ZNF512: variants seen among roughly 807,000 people sequenced by gnomAD.
ZNF512 encodes zinc finger protein 512.
ZNF512 carries 25 observed loss-of-function variants against 77.5 expected under a neutral mutation model. The observed-to-expected ratio is 0.32, with a 90% CI of 0.23 to 0.45. ZNF512 has a LOEUF of 0.45. ZNF512 is among the 20% of genes least tolerant of loss of function. The pLI is 1.00. For missense variants in ZNF512, 483 were observed against 692.6 expected (o/e 0.70, Z 3.40); for synonymous variants, 246 against 239.9 (o/e 1.03, Z -0.24).
chr2:27,589,316 C>T (rs1174420386), intron 2 of ZNF512, among the ~76,000 whole-genome samples: 1 of 152,056 alleles, frequency 6.6e-6, no homozygotes, highest in Admixed American at 6.5e-5. Context: ...TTTCCAGTTT[C>T]TTCTTGTGTC....
chr2:27,589,489 T>G (rs1286241116), intron 2 of ZNF512, among the ~76,000 whole-genome samples: 1 of 152,158 alleles, frequency 6.6e-6, no homozygotes, highest in Non-Finnish European at 1.5e-5. Context: ...TTTTTGTAGA[T>G]CAGTCTAAGT....
At chr2:27,603,671 A>C (rs1243446231) in intron 9 of ZNF512, among the ~76,000 whole-genome samples, 1 of 147,686 alleles carries the variant, frequency 6.8e-6, no homozygotes, top group African/African-American at 2.5e-5. Context: ...AGCTCACTGC[A>C]GCCTCGAACT....
Position 27,621,326 on chromosome 2 carries a change from A to G in ZNF512, c.1569A>G (p.Val523=). The G allele has an allele frequency of 6.2e-7, 1 of 1,614,190 alleles. No homozygotes were observed. The highest frequency in any genetic ancestry group is 8.5e-7 in the Non-Finnish European group (1 of 1,180,024). The stretch of plus-strand genomic sequence containing the variant: ...CCGAGACAGAGCTGAGTCTTAGAGT[A>G]GGGAAGGATCAGAGGAGGAATAATG... ...ELPETELSLR[V]GKDQRRNNEE... The change falls in exon 14 of 14, where the codon GTA becomes GTG. Residue 523 remains valine, a synonymous_variant. Coordinates refer to ENST00000355467, the MANE Select transcript of ZNF512 (RefSeq NM_032434.4).
chr2:27,601,565 C>T (rs1304877714), intron 7 of ZNF512, 123 bp downstream of exon 7: 1 of 764,386 alleles, frequency 1.3e-6, no homozygotes, highest in South Asian at 1.7e-5. Context: ...ACCTCCACCT[C>T]CTGGTTCAAG....
intron 2 of ZNF512, among the ~76,000 whole-genome samples, chr2:27,595,675 C>T (rs1242392202): frequency 1.3e-5 from 2 of 152,216 alleles, no homozygotes; most frequent in African/African-American, 2.4e-5. Context: ...ACTCTTTCCT[C>T]TGTCATCTCC....
At chr2:27,615,043 G>GT (rs1350891981) in intron 10 of ZNF512, 125 bp from the exon 11 acceptor site, 5 of 594,148 alleles carry the variant, frequency 8.4e-6, no homozygotes, top group Non-Finnish European at 1.5e-5. Flanking sequence ...ATATCTTACA[G>GT]TTTTTTTGTG....
Position 27,603,141 on chromosome 2 carries a change from G to A in ZNF512, c.770G>A (p.Ser257Asn). The part of the protein sequence containing the change: ...RLGKLRCMRE[S>N]CSSSFTSIMG... ...TTTAGGCTTCTCTCCTCTGTTCAGA[G>A]TTGCTCCAGTAGCTTCACCAGCATC... Residue 257 changes from serine (S) to asparagine (N), a missense_variant and splice_region_variant, in exon 9 of 14, where the codon AGT (serine) becomes AAT (asparagine). Physicochemically the swap from Ser to Asn is conservative, Grantham distance 46 (BLOSUM62 1). Transcript: ENST00000355467. The A allele has an allele frequency of 6.2e-7, 1 of 1,614,106 alleles. No individual in the cohort carries two copies. The highest frequency in any genetic ancestry group is 1.1e-5 in the South Asian group (1 of 91,072).
At chr2:27,597,091 G>C (rs757597068) in intron 2 of ZNF512, among the ~76,000 whole-genome samples, 3 of 152,160 alleles carry the variant, frequency 2.0e-5, no homozygotes, top group Admixed American at 6.5e-5. Flanking sequence ...GTATTCCATA[G>C]TAGGCATCTA....
At chr2:27,599,907 G>A in intron 4 of ZNF512, 63 bp from the exon 5 acceptor site, 1 of 1,566,106 alleles carries the variant, frequency 6.4e-7, no homozygotes, top group South Asian at 1.1e-5. Flanking sequence ...GAGGAGGAGA[G>A]GGAAGAGATT....
At chr2:27,613,361 T>G (rs1282803594) in intron 10 of ZNF512, among the ~76,000 whole-genome samples, 1 of 151,980 alleles carries the variant, frequency 6.6e-6, no homozygotes, top group Non-Finnish European at 1.5e-5. Flanking sequence ...CTGGGCATGG[T>G]GGCGCACACC....
At chr2:27,595,332 G>A (rs1192956656) in intron 2 of ZNF512, among the ~76,000 whole-genome samples, 56 of 136,274 alleles carry the variant, frequency 4.1e-4, no homozygotes, top group African/African-American at 1.4e-3. Context: ...ATGGAGTCTC[G>A]CACTGTCGCC....
intron 10 of ZNF512, among the ~76,000 whole-genome samples, chr2:27,611,929 C>G (rs1212785242): frequency 6.6e-6 from 1 of 152,104 alleles, no homozygotes. Flanking sequence ...AACTCCTGAT[C>G]TTGTGATCCA....
intron 3 of ZNF512, 43 bp downstream of exon 3, chr2:27,598,297 A>G (rs775052675): frequency 6.4e-7 from 1 of 1,572,144 alleles, no homozygotes; most frequent in Non-Finnish European, 8.7e-7. Flanking sequence ...GCCACTTCCT[A>G]AAGTTATAGT....
In ZNF512 at chr2:27,610,498, A is replaced by G. The variant is rs566096889; in HGVS notation, c.1131+2459A>G. On this transcript the variant is annotated intron_variant, in intron 10 of 13. Transcript: ENST00000355467. Reference sequence around the variant, plus strand: ...TATGTGTATATATATATATGTGTATATGTGTATATATATGTGTGTATATGT... The same window carrying G: ...TATGTGTATATATATATATGTGTATGTGTGTATATATATGTGTGTATATGT... Among the ~76,000 whole-genome samples the G allele has an allele frequency of 7.8e-5, 9 of 115,958 alleles. No homozygotes were observed. The South Asian group carries it at 2.3e-3, about 29-fold the overall frequency. The allele number at this position is 115,958 out of a possible 152,430, so 76.1% of individuals were successfully genotyped here.
chr2:27,589,597 T>C (rs928669571), intron 2 of ZNF512, among the ~76,000 whole-genome samples: 7 of 152,180 alleles, frequency 4.6e-5, no homozygotes, highest in Admixed American at 2.0e-4. Context: ...TACCTTACCT[T>C]TTCTTTGGTT....
intron 10 of ZNF512, among the ~76,000 whole-genome samples, chr2:27,609,632 G>A (rs1672521261): frequency 6.6e-6 from 1 of 152,190 alleles, no homozygotes; most frequent in African/African-American, 2.4e-5. Context: ...AATTTAGGAG[G>A]CCGTGGTGGG....
intron 2 of ZNF512, among the ~76,000 whole-genome samples, chr2:27,583,929 C>G (rs1671223772): frequency 6.7e-6 from 1 of 150,192 alleles, no homozygotes; most frequent in South Asian, 2.1e-4. Flanking sequence ...TTCTAAGGTT[C>G]TTTTGTGATT....
intron 2 of ZNF512, among the ~76,000 whole-genome samples, chr2:27,595,203 A>C (rs1041933105): frequency 6.6e-6 from 1 of 152,072 alleles, no homozygotes; most frequent in Middle Eastern, 3.2e-3. Flanking sequence ...TGGGATTACA[A>C]CTACACTTAA....
chr2:27,617,187 T>C, intron 12 of ZNF512: 1 of 283,502 alleles, frequency 3.5e-6, no homozygotes, highest in South Asian at 5.6e-5. Context: ...GAAAGGAACA[T>C]AGGAAGGTAG....
Sources: allele counts gnomAD v4.1 joint callset (sites outside exome capture counted in the v4.1 genomes callset), GRCh38; gene constraint gnomAD v4.1.1; transcripts MANE v1.5; gene names NCBI Gene and HGNC (gene_info 2026-07-23, HGNC 2026-07-21).